TUSC3: variants seen among roughly 807,000 people sequenced by gnomAD.
The protein encoded by TUSC3 is tumor suppressor candidate 3.
Under a neutral mutation model 44.8 loss-of-function variants are expected in TUSC3, and 45 were observed. The observed-to-expected ratio is 1.00, with a 90% CI of 0.79 to 1.29. The LOEUF (loss-of-function observed/expected upper bound fraction) is 1.29, where lower values mean the gene tolerates loss of function less well. TUSC3 is among the 50% of genes most tolerant of loss of function. The pLI, the probability that TUSC3 is intolerant of heterozygous loss-of-function variation, is 0.00. For synonymous variants in TUSC3, 212 were observed against 152.9 expected (o/e 1.39, Z -2.85); for missense variants, 519 against 437.9 (o/e 1.19, Z -1.65).
chr8:15,705,399 G>T (rs551255645), intron 6 of TUSC3, among the ~76,000 whole-genome samples: 24 of 152,056 alleles, frequency 1.6e-4, no homozygotes, highest in African/African-American at 5.8e-4. Flanking sequence ...GAAACCATTT[G>T]TAGAAATCAG....
At chr8:15,493,531 G>C (rs78841566) in intron 2 of TUSC3, among the ~76,000 whole-genome samples, 15,577 of 152,148 alleles carry the variant, frequency 0.1, 875 homozygotes, top group South Asian at 0.21. Context: ...CCAAAGTGCT[G>C]GGATTACAGG....
At chr8:15,657,553 C>G (rs532345360) in intron 3 of TUSC3, among the ~76,000 whole-genome samples, 11 of 152,128 alleles carry the variant, frequency 7.2e-5, no homozygotes, top group Non-Finnish European at 1.6e-4. Flanking sequence ...TATTTCTTAC[C>G]AGCATTCTGA....
intron 2 of TUSC3, among the ~76,000 whole-genome samples, chr8:15,644,885 G>A (rs935369467): frequency 6.6e-6 from 1 of 151,930 alleles, no homozygotes; most frequent in African/African-American, 2.4e-5. Context: ...TATTGTATTT[G>A]AGTCAAGAAA....
At chr8:15,597,251 T>C (rs1804112340) in intron 1 of TUSC3, among the ~76,000 whole-genome samples, 1 of 152,146 alleles carries the variant, frequency 6.6e-6, no homozygotes, top group Non-Finnish European at 1.5e-5. Flanking sequence ...TCAGGATCTG[T>C]CTACACTGAT....
intron 6 of TUSC3, chr8:15,688,776 CACAA>C (rs1214091304): frequency 6.6e-6 from 1 of 152,668 alleles, no homozygotes; most frequent in East Asian, 1.9e-4. Context: ...AACGTGCAAT[CACAA>C]ACAATGATCA....
intron 6 of TUSC3, among the ~76,000 whole-genome samples, chr8:15,680,875 A>G (rs1808398574): frequency 6.6e-6 from 1 of 152,084 alleles, no homozygotes; most frequent in South Asian, 2.1e-4. Context: ...TATGTGGTGT[A>G]TTACATTTAT....
chr8:15,565,133 G>C (rs7357384), intron 1 of TUSC3, among the ~76,000 whole-genome samples: 1 of 151,506 alleles, frequency 6.6e-6, no homozygotes. Context: ...GGTGTCTGCA[G>C]GTTTGTTTCC....
At chr8:15,850,584 T>C in the TUSC3 span, among the ~76,000 whole-genome samples, 86 of 152,322 alleles carry the variant, frequency 5.6e-4, no homozygotes, top group African/African-American at 2.0e-3. Flanking sequence ...CCTATTTGTA[T>C]TCAGTAGGCT....
intron 2 of TUSC3, among the ~76,000 whole-genome samples, chr8:15,638,515 C>CTTTTTTTTTTTTT (rs547743726): frequency 3.7e-5 from 3 of 81,108 alleles, no homozygotes; most frequent in Non-Finnish European, 6.6e-5. Flanking sequence ...TTCTTTTTTT[C>CTTTTTTTTTTTTT]TTTTTTTTTT....
intron 2 of TUSC3, among the ~76,000 whole-genome samples, chr8:15,507,581 G>T (rs1300801973): frequency 6.6e-6 from 1 of 151,954 alleles, no homozygotes; most frequent in Non-Finnish European, 1.5e-5. Context: ...GTTAATTAAA[G>T]GTCTTCTAAA....
the TUSC3 span, among the ~76,000 whole-genome samples, chr8:15,802,470 G>C: frequency 6.6e-6 from 1 of 151,980 alleles, no homozygotes; most frequent in Admixed American, 6.6e-5. Context: ...TCGCCAGGCT[G>C]GAGTGCAGCG....
intron 6 of TUSC3, 92 bp downstream of exon 6, chr8:15,673,928 TTC>T (rs1284418404): frequency 7.1e-6 from 8 of 1,133,296 alleles, no homozygotes; most frequent in Non-Finnish European, 9.1e-6. Flanking sequence ...TAGGAAAAGA[TTC>T]TGTTTGTCAG....
intron 3 of TUSC3, 73 bp from the exon 4 acceptor site, chr8:15,659,432 TAC>T (rs1807321091): frequency 6.4e-7 from 1 of 1,550,960 alleles, no homozygotes; most frequent in South Asian, 1.2e-5. Context: ...CCCGAATTTC[TAC>T]AGAAAAAGTG....
intron 2 of TUSC3, among the ~76,000 whole-genome samples, chr8:15,633,949 A>T (rs147477863): frequency 1.3e-5 from 2 of 152,176 alleles, no homozygotes; most frequent in Non-Finnish European, 2.9e-5. Flanking sequence ...CAAGGGATGC[A>T]TAAACACAAG....
At chr8:15,517,051 GC>G (rs1468980524) in intron 2 of TUSC3, among the ~76,000 whole-genome samples, 2 of 152,108 alleles carry the variant, frequency 1.3e-5, no homozygotes, top group East Asian at 3.9e-4. Context: ...ATCCTTTTGT[GC>G]CTTTATACCC....
At chr8:15,641,135 C>T (rs774584958) in intron 2 of TUSC3, among the ~76,000 whole-genome samples, 33 of 151,698 alleles carry the variant, frequency 2.2e-4, no homozygotes, top group Non-Finnish European at 4.3e-4. Context: ...CCGAGGTGGG[C>T]AGATCATTAG....
intron 1 of TUSC3, among the ~76,000 whole-genome samples, chr8:15,543,805 A>G (rs927386202): frequency 6.7e-6 from 1 of 150,012 alleles, no homozygotes; most frequent in South Asian, 2.1e-4. Context: ...GGAATAGTCT[A>G]TTGCTTATCA....
At chr8:15,482,636 A>G (rs10105556) in intron 1 of TUSC3, among the ~76,000 whole-genome samples, 7,172 of 152,302 alleles carry the variant, frequency 0.047, 578 homozygotes, top group African/African-American at 0.16. Context: ...TCCATTCTGC[A>G]GGCCATAGAT....
chr8:15,555,552 C>T (rs1802229955), intron 1 of TUSC3, among the ~76,000 whole-genome samples: 1 of 151,294 alleles, frequency 6.6e-6, no homozygotes, highest in African/African-American at 2.4e-5. Context: ...GCCTTGGCCT[C>T]CCAGAGTGCT....
Sources: gnomAD v4.1 joint callset for allele counts (sites outside exome capture counted in the v4.1 genomes callset) on GRCh38, gnomAD v4.1.1 for gene constraint, MANE v1.5 for transcripts, NCBI Gene and HGNC (gene_info 2026-07-23, HGNC 2026-07-21) for gene names.